The following ATP9A variants were observed in gnomAD, a reference collection of about 807,000 sequenced individuals.
ATP9A encodes probable phospholipid-transporting ATPase IIA.
In ATP9A, 52 loss-of-function variants were observed where a neutral mutation model predicts 144.1. That is an observed-to-expected ratio of 0.36 (90% confidence interval 0.29 to 0.45). The LOEUF (loss-of-function observed/expected upper bound fraction) is 0.45. Among genes scored for constraint, ATP9A ranks in the 20% least tolerant of loss-of-function variants. ATP9A has a pLI of 1.00. For synonymous variants in ATP9A, 582 were observed against 557.4 expected, an observed-to-expected ratio of 1.04 and a Z score of -0.62; for missense variants, 947 against 1,392.7, an observed-to-expected ratio of 0.68 and a Z score of 5.09.
At position 51,658,516 on chromosome 20, in the gene ATP9A, C is replaced by CTTT. The variant is rs35371153; in HGVS notation, c.1294-1369_1294-1367dup. ...ACACATCGGGTGCCACCTATGCTTC[C>CTTT]TTTTTTTTTTTTTTTTTTTTGAGAC... is the stretch of plus-strand genomic sequence containing the variant. On this transcript the variant is annotated intron_variant, in intron 13 of 27. Coordinates refer to ENST00000338821, the MANE Select transcript of ATP9A (RefSeq NM_006045.3). Among the ~76,000 whole-genome samples the CTTT allele has an allele frequency of 2.0e-3, 213 of 106,874 alleles. 3 individuals carry two copies. Among genetic ancestry groups the CTTT allele is most frequent in the East Asian group, 5.4e-3 (18 of 3,346 alleles). The allele number at this position is 106,874 out of a possible 152,430, so 70.1% of individuals were successfully genotyped here.
chr20:51,735,794 GT>G (rs2077760439), intron 1 of ATP9A, among the ~76,000 whole-genome samples: 1 of 152,180 alleles, frequency 6.6e-6, no homozygotes, highest in African/African-American at 2.4e-5. Context: ...TGAACACTTA[GT>G]AACAACAACA....
chr20:51,650,690 G>A (rs1179501133), intron 14 of ATP9A, among the ~76,000 whole-genome samples: 1 of 152,134 alleles, frequency 6.6e-6, no homozygotes, highest in Non-Finnish European at 1.5e-5. Flanking sequence ...AGTCAGGGAA[G>A]GAGAGCAACA....
rs779753022 is a variant in ATP9A at position 51,669,977 on chromosome 20, GT to G, written c.1293+19del. The G allele has an allele frequency of 6.4e-7, 1 of 1,568,886 alleles. No individual in the cohort carries two copies. The highest frequency in any genetic ancestry group is 8.8e-7 in the Non-Finnish European group (1 of 1,139,848). The stretch of plus-strand genomic sequence containing the variant: ...AAAAAGTCAAAGAATTGTTTTGGGT[GT>G]TGAAATGGAAGGCTTTACCTGGGTG... On this transcript the variant is annotated intron_variant, in intron 13 of 27. Coordinates refer to ENST00000338821, the MANE Select transcript of ATP9A (RefSeq NM_006045.3).
chr20:51,637,564 T>C, intron 15 of ATP9A, among the ~76,000 whole-genome samples: 1 of 152,094 alleles, frequency 6.6e-6, no homozygotes, highest in East Asian at 1.9e-4. Context: ...GTGGTCTGAA[T>C]TCAAGGAACC....
intron 1 of ATP9A, among the ~76,000 whole-genome samples, chr20:51,749,030 A>G (rs2077820451): frequency 1.3e-5 from 2 of 152,130 alleles, no homozygotes; most frequent in Admixed American, 6.6e-5. Flanking sequence ...TAAACAAACT[A>G]CAGTACTATT....
intron 11 of ATP9A, 85 bp from the exon 12 acceptor site, chr20:51,671,342 T>C (rs1183366291): frequency 2.0e-6 from 3 of 1,489,806 alleles, no homozygotes; most frequent in Non-Finnish European, 2.8e-6. Flanking sequence ...TCTAAACACA[T>C]GTGCCATCGC....
At chr20:51,662,137 G>A (rs1235789540) in intron 13 of ATP9A, among the ~76,000 whole-genome samples, 6 of 152,198 alleles carry the variant, frequency 3.9e-5, no homozygotes, top group Non-Finnish European at 7.4e-5. Context: ...TAAATCCAGG[G>A]CTTAGGACCA....
At chr20:51,676,599 C>G (rs185622987) in intron 9 of ATP9A, among the ~76,000 whole-genome samples, 1 of 152,308 alleles carries the variant, frequency 6.6e-6, no homozygotes, top group East Asian at 1.9e-4. Context: ...CTGCCTCAGC[C>G]TCCGGAGTAG....
rs557832623 is a variant in ATP9A, at chr20:51,636,947, C to T, written c.1668+2396G>A. 3.3e-3 allele frequency among the ~76,000 whole-genome samples: 506 copies of T among 152,206 alleles called. 4 individuals are homozygous for T. The highest frequency in any genetic ancestry group is 4.0e-3 in the African/African-American group (167 of 41,536). Reference sequence around the variant, plus strand: ...TCTACTAATAATACAAAAAATTAGCCGGGCATGGTGGCGCACGCCTGTAAT... The same window carrying T: ...TCTACTAATAATACAAAAAATTAGCTGGGCATGGTGGCGCACGCCTGTAAT... On this transcript the variant is annotated intron_variant, in intron 15 of 27. Transcript: ENST00000338821.
intron 3 of ATP9A, among the ~76,000 whole-genome samples, chr20:51,716,948 C>T (rs867320479): frequency 1.3e-5 from 2 of 152,112 alleles, no homozygotes; most frequent in East Asian, 1.9e-4. Flanking sequence ...CCGAGGTGGG[C>T]GGATCACCTG....
intron 1 of ATP9A, among the ~76,000 whole-genome samples, chr20:51,731,349 T>C (rs1467933300): frequency 6.6e-6 from 1 of 151,972 alleles, no homozygotes; most frequent in African/African-American, 2.4e-5. Context: ...GTAGGCTTTA[T>C]TTTAGAATAA....
chr20:51,746,016 T>C (rs1045789046), intron 1 of ATP9A, among the ~76,000 whole-genome samples: 2 of 152,222 alleles, frequency 1.3e-5, no homozygotes, highest in East Asian at 1.9e-4. Context: ...AACAAGATTG[T>C]GTCTTTTGCA....
rs545711997 is a variant in ATP9A, at chr20:51,714,376, TTTG to T, written c.328-1305_328-1303del. Among the ~76,000 whole-genome samples, 17 of 150,884 alleles carry T rather than the reference TTTG, an allele frequency of 1.1e-4. No individual in the cohort carries two copies. In the South Asian group the frequency reaches 1.9e-3, roughly 17 times the overall value. The stretch of plus-strand genomic sequence containing the variant: ...ATTTTTGTATTTTTGGTAGAGATGG[TTTG>T]TTGTTGTTGTTGTTGTCATTGTTAC... On this transcript the variant is annotated intron_variant, in intron 3 of 27. Transcript: ENST00000338821.
In ATP9A at chr20:51,729,884, G is replaced by T; in HGVS notation, c.163C>A (p.Arg55=). Residue 55 remains arginine, a synonymous_variant, in exon 2 of 28, where the codon CGG becomes AGG. Coordinates refer to ENST00000338821, the MANE Select transcript of ATP9A (RefSeq NM_006045.3). Reference sequence around the variant, plus strand: ...TACTTCTGATTGTTGATGACATTCCGAGGATACCTCTGGTCTCTCTTCTCG... The same window carrying T: ...TACTTCTGATTGTTGATGACATTCCTAGGATACCTCTGGTCTCTCTTCTCG... ...HPEKRDQRYP[R]NVINNQKYNF... is the part of the protein sequence containing the mutation. 6.2e-7 allele frequency: 1 copy of T among 1,606,882 alleles called. No individual in the cohort carries two copies. The highest frequency in any genetic ancestry group is 8.5e-7 in the Non-Finnish European group (1 of 1,177,746).
rs138819655 is a variant in ATP9A at position 51,739,453 on chromosome 20, G to A, written c.69-9475C>T. On this transcript the variant is annotated intron_variant, in intron 1 of 27. Transcript: ENST00000338821. Reference sequence around the variant, plus strand: ...TGCAAGCTCTGCCTCCCAGGTTCACGCCATTCTCCTCCCTCAGCCTCCCGA... The same window carrying A: ...TGCAAGCTCTGCCTCCCAGGTTCACACCATTCTCCTCCCTCAGCCTCCCGA... Among the ~76,000 whole-genome samples, 1,396 of 148,940 alleles carry A rather than the reference G, an allele frequency of 9.4e-3. 18 individuals are homozygous for A. The highest frequency in any genetic ancestry group is 0.033 in the African/African-American group (1,316 of 40,452).
In ATP9A at chr20:51,704,029, G is replaced by A. The variant is rs116221090; in HGVS notation, c.437-6547C>T. Among the ~76,000 whole-genome samples the A allele has an allele frequency of 6.4e-3, 969 of 152,186 alleles. 16 individuals carry two copies. The highest frequency in any genetic ancestry group is 0.022 in the African/African-American group (908 of 41,504). ...TCTGCAGACCCAGCAGAGTTCAGAGGTTTAAAGTTGAAATTTTCATATTCA... is the reference window on the plus strand; with the variant it reads ...TCTGCAGACCCAGCAGAGTTCAGAGATTTAAAGTTGAAATTTTCATATTCA... On this transcript the variant is annotated intron_variant, in intron 4 of 27. Transcript: ENST00000338821.
At chr20:51,748,940 T>TAGAC (rs1477478838) in intron 1 of ATP9A, among the ~76,000 whole-genome samples, 3,063 of 93,358 alleles carry the variant, frequency 0.033, 34 homozygotes, top group Middle Eastern at 0.043. Context: ...GATAGATAGA[T>TAGAC]AGATAGATAG....
Position 51,600,805 on chromosome 20 carries a change from AAAACACACACACACAC to A in ATP9A, c.*390_*405del, listed in dbSNP as rs951836957. 10 of 122,716 alleles carry A rather than the reference AAAACACACACACACAC, an allele frequency of 8.1e-5. No individual in the cohort carries two copies. Among genetic ancestry groups the A allele is most frequent in the Non-Finnish European group, 1.3e-4 (8 of 60,306 alleles). The allele number at this position is 122,716 out of a possible 1,614,324, so 7.6% of individuals were successfully genotyped here. ...AGTACATACACATTAGGACTCTTTA[AAAACACACACACACAC>A]ACACACACACACACACACACACACA... is the stretch of plus-strand genomic sequence containing the variant. On this transcript the variant is annotated 3_prime_UTR_variant, in exon 28 of 28. Coordinates refer to ENST00000338821, the MANE Select transcript of ATP9A (RefSeq NM_006045.3).
chr20:51,744,807 G>A (rs1236674716), intron 1 of ATP9A, among the ~76,000 whole-genome samples: 6 of 152,190 alleles, frequency 3.9e-5, no homozygotes, highest in Admixed American at 2.0e-4. Context: ...CAGCATTGAC[G>A]CTGGGCAGAT....
Sources: allele counts gnomAD v4.1 joint callset (sites outside exome capture counted in the v4.1 genomes callset), GRCh38; gene constraint gnomAD v4.1.1; transcripts MANE v1.5; gene names NCBI Gene and HGNC (gene_info 2026-07-23, HGNC 2026-07-21).